Variants in PLPP4 observed in about 807,000 individuals in gnomAD.
PLPP4 encodes the protein diacylglycerol pyrophosphate like 2.
Under a neutral mutation model 32.2 loss-of-function variants are expected in PLPP4, and 20 were observed. That is an observed-to-expected ratio of 0.62 (90% CI 0.44 to 0.90). The LOEUF is 0.90. PLPP4 is among the 40% of genes least tolerant of loss of function. The pLI is 0.00. For missense variants in PLPP4, 257 were observed against 353.1 expected, an observed-to-expected ratio of 0.73 and a Z score of 2.18; for synonymous variants, 127 against 133.0, an observed-to-expected ratio of 0.95 and a Z score of 0.31.
rs369167218 is a variant in PLPP4 at position 120,589,496 on chromosome 10, G to A, written c.810G>A (p.Pro270=). Residue 270 remains proline (P), a synonymous_variant, in exon 7 of 7, where the codon CCG becomes CCA. Transcript: ENST00000398250. ...SLPLEGITEG[P]V ...CTCTGGAGGGGATCACCGAAGGCCC[G>A]GTATGACCAGTGTCCTGGGAGGATG... 12 of 1,613,490 alleles carry A rather than the reference G, an allele frequency of 7.4e-6. No homozygotes were observed. Among genetic ancestry groups the A allele is most frequent in the Middle Eastern group, 1.7e-4 (1 of 5,934 alleles).
rs1170136710 is a variant in PLPP4, at chr10:120,560,539, A to G, written c.446-14592A>G. 7.9e-5 allele frequency among the ~76,000 whole-genome samples: 12 copies of G among 152,216 alleles called. No homozygotes were observed. In the East Asian group the frequency reaches 2.1e-3, roughly 27 times the overall value. On this transcript the variant is annotated intron_variant, in intron 5 of 6. Coordinates refer to ENST00000398250, the MANE Select transcript of PLPP4 (RefSeq NM_001030059.3). ...GGAGGCCGAGGCAGGCACATCACCTAAAGTCAGGAGTTTGAGACCAGACTG... is the reference window on the plus strand; with the variant it reads ...GGAGGCCGAGGCAGGCACATCACCTGAAGTCAGGAGTTTGAGACCAGACTG...
intron 5 of PLPP4, among the ~76,000 whole-genome samples, chr10:120,522,728 C>T (rs919994974): frequency 6.6e-5 from 10 of 152,046 alleles, no homozygotes; most frequent in African/African-American, 2.2e-4. Context: ...AATATGACAT[C>T]GTAGACTAGA....
intron 1 of PLPP4, among the ~76,000 whole-genome samples, chr10:120,481,714 C>T (rs902523825): frequency 1.4e-4 from 21 of 152,144 alleles, no homozygotes; most frequent in Non-Finnish European, 7.3e-5. Flanking sequence ...ATAACTGAAG[C>T]TTGATCCCAC....
chr10:120,521,794 G>A (rs1262591644), intron 5 of PLPP4, among the ~76,000 whole-genome samples: 2 of 152,186 alleles, frequency 1.3e-5, no homozygotes, highest in Non-Finnish European at 2.9e-5. Context: ...GGTGATGATC[G>A]CTCACATTTC....
rs911124973 is a variant in PLPP4 at position 120,591,647 on chromosome 10, A to T, written c.*2145A>T. Among the ~76,000 whole-genome samples the T allele has an allele frequency of 6.6e-6, 1 of 151,888 alleles. No homozygotes were observed. Among genetic ancestry groups the T allele is most frequent in the African/African-American group, 2.4e-5 (1 of 41,394 alleles). ...AAAAAACCCCATCCTGATGTGGCCC[A>T]CATTCTTATTTGATTCTAGTTTTAT... On this transcript the variant is annotated 3_prime_UTR_variant, in exon 7 of 7. Transcript: ENST00000398250.
chr10:120,549,479 A>G (rs867364368), intron 5 of PLPP4, among the ~76,000 whole-genome samples: 1 of 152,028 alleles, frequency 6.6e-6, no homozygotes, highest in Non-Finnish European at 1.5e-5. Context: ...AAAAGCCAGA[A>G]GAACAGGGAA....
intron 5 of PLPP4, among the ~76,000 whole-genome samples, chr10:120,568,464 C>T (rs1315047059): frequency 6.6e-6 from 1 of 152,164 alleles, no homozygotes; most frequent in East Asian, 1.9e-4. Context: ...AGTCCATGCA[C>T]CCCAATTAGA....
At chr10:120,587,659 C>T (rs914158696) in intron 6 of PLPP4, among the ~76,000 whole-genome samples, 1 of 152,132 alleles carries the variant, frequency 6.6e-6, no homozygotes, top group African/African-American at 2.4e-5. Context: ...CTAGATAGAA[C>T]CAGGATACCT....
At chr10:120,560,326 T>C (rs1848365835) in intron 5 of PLPP4, among the ~76,000 whole-genome samples, 1 of 68,198 alleles carries the variant, frequency 1.5e-5, no homozygotes, top group Non-Finnish European at 3.8e-5. Flanking sequence ...CTAAGGACCA[T>C]TGCAAAAAAA....
At chr10:120,570,726 G>A (rs898553466) in intron 5 of PLPP4, among the ~76,000 whole-genome samples, 2 of 152,106 alleles carry the variant, frequency 1.3e-5, no homozygotes, top group Non-Finnish European at 2.9e-5. Flanking sequence ...AACTCATCTG[G>A]GTTGCTGGAG....
chr10:120,587,378 A>G (rs1849811901), intron 6 of PLPP4: 1 of 152,234 alleles, frequency 6.6e-6, no homozygotes, highest in Non-Finnish European at 1.5e-5. Context: ...CCTGGTCTAC[A>G]TGCACTGAAA....
chr10:120,528,128 G>T (rs1980835), intron 5 of PLPP4, among the ~76,000 whole-genome samples: 61,617 of 141,294 alleles, frequency 0.44, 14,134 homozygotes, highest in East Asian at 0.6. Context: ...AGGCTGGAGT[G>T]CAGCGGCGCG....
chr10:120,519,083 A>G (rs1253019583), intron 4 of PLPP4, among the ~76,000 whole-genome samples, 187 bp downstream of exon 4: 1 of 152,296 alleles, frequency 6.6e-6, no homozygotes, highest in South Asian at 2.1e-4. Flanking sequence ...TATTTTAGAA[A>G]GCAGATCACT....
rs145188463 is a variant in PLPP4 at position 120,516,292 on chromosome 10, G to A, written c.256+2291G>A. 1.8e-3 allele frequency among the ~76,000 whole-genome samples: 269 copies of A among 152,294 alleles called. 2 individuals are homozygous for A. The highest frequency in any genetic ancestry group is 6.2e-3 in the African/African-American group (258 of 41,550). On this transcript the variant is annotated intron_variant, in intron 3 of 6. Coordinates refer to ENST00000398250, the MANE Select transcript of PLPP4 (RefSeq NM_001030059.3). ...AGTTCTTAGCATGCTTCTTTACTCAGATGTCTTCAGCAGACTTTAACCCAG... is the reference window on the plus strand; with the variant it reads ...AGTTCTTAGCATGCTTCTTTACTCAAATGTCTTCAGCAGACTTTAACCCAG...
intron 5 of PLPP4, among the ~76,000 whole-genome samples, chr10:120,538,668 C>T (rs541628270): frequency 2.9e-4 from 44 of 152,268 alleles, no homozygotes; most frequent in African/African-American, 1.0e-3. Context: ...ACCTCATGTC[C>T]TTCTCCCCTC....
intron 5 of PLPP4, among the ~76,000 whole-genome samples, chr10:120,545,481 A>C (rs529145543): frequency 2.0e-5 from 3 of 152,196 alleles, no homozygotes; most frequent in African/African-American, 7.2e-5. Context: ...TTCTCATAGC[A>C]GGCCCAGAAA....
chr10:120,548,314 G>A, intron 5 of PLPP4, among the ~76,000 whole-genome samples: 1 of 152,076 alleles, frequency 6.6e-6, no homozygotes, highest in Non-Finnish European at 1.5e-5. Context: ...CCAGTTATAA[G>A]TGAGAACAAA....
rs575857487 is a variant in PLPP4, at chr10:120,514,745, G to T, written c.256+744G>T. On this transcript the variant is annotated intron_variant, in intron 3 of 6. Coordinates refer to ENST00000398250, the MANE Select transcript of PLPP4 (RefSeq NM_001030059.3). ...TTTAGCAAACAAAATAAACTAACCT[G>T]TAGCCAGGTTTTCAGCTTTTTGACC... Among the ~76,000 whole-genome samples the T allele has an allele frequency of 2.6e-5, 4 of 152,262 alleles. No homozygotes were observed. The South Asian group carries it at 8.3e-4, about 32-fold the overall frequency.
intron 5 of PLPP4, among the ~76,000 whole-genome samples, chr10:120,525,474 T>C (rs1846348367): frequency 6.6e-6 from 1 of 152,208 alleles, no homozygotes; most frequent in African/African-American, 2.4e-5. Flanking sequence ...ATTCTTGAGT[T>C]CTTTCCGTTA....
Sources: gnomAD v4.1 joint callset for allele counts (sites outside exome capture counted in the v4.1 genomes callset) on GRCh38, gnomAD v4.1.1 for gene constraint, MANE v1.5 for transcripts, NCBI Gene and HGNC (gene_info 2026-07-23, HGNC 2026-07-21) for gene names.